UNC13B: variants seen among roughly 807,000 people sequenced by gnomAD.
The protein encoded by UNC13B is protein unc-13 homolog B.
A neutral mutation model predicts 211.0 loss-of-function variants in UNC13B; 144 were observed. The observed-to-expected ratio is 0.68, with a 90% confidence interval of 0.60 to 0.78. The LOEUF (loss-of-function observed/expected upper bound fraction) is 0.78. UNC13B is among the 30% of genes least tolerant of loss of function. UNC13B has a pLI of 0.00. For synonymous variants in UNC13B, 709 were observed against 725.8 expected (o/e 0.98, Z 0.37); for missense variants, 1,777 against 2,002.0 (o/e 0.89, Z 2.14).
At chr9:35,251,054 C>T (rs544925691) in intron 6 of UNC13B, among the ~76,000 whole-genome samples, 1 of 150,884 alleles carries the variant, frequency 6.6e-6, no homozygotes, top group South Asian at 2.1e-4. Context: ...GCTCCACCTC[C>T]CGGGTTCATG....
intron 11 of UNC13B, among the ~76,000 whole-genome samples, chr9:35,360,208 A>C (rs1292127233): frequency 6.6e-6 from 1 of 152,202 alleles, no homozygotes; most frequent in African/African-American, 2.4e-5. Flanking sequence ...CTCCATCATC[A>C]GGGGGCATTA....
intron 29 of UNC13B, 152 bp downstream of exon 29, chr9:35,397,462 G>A (rs1835960347): frequency 7.3e-7 from 1 of 1,365,322 alleles, no homozygotes; most frequent in East Asian, 2.4e-5. Context: ...CAGACAGATG[G>A]TTCTGTCTTA....
Position 35,250,601 on chromosome 9 carries a change from A to G in UNC13B, c.468+7237A>G, listed in dbSNP as rs549964507. On this transcript the variant is annotated intron_variant, in intron 6 of 39. Coordinates refer to ENST00000635942, the MANE Select transcript of UNC13B (RefSeq NM_001371189.2). ...GTTGTTTCTCTGCTTGTTAGCTGTTATGGATAATGCTGCTTCGAATGTTTA... is the reference window on the plus strand; with the variant it reads ...GTTGTTTCTCTGCTTGTTAGCTGTTGTGGATAATGCTGCTTCGAATGTTTA... Among the ~76,000 whole-genome samples, 6 of 152,268 alleles carry G rather than the reference A, an allele frequency of 3.9e-5. No homozygotes were observed. The East Asian group carries it at 1.2e-3, about 29-fold the overall frequency.
chr9:35,331,111 CT>C (rs1426664712), intron 11 of UNC13B, among the ~76,000 whole-genome samples: 2 of 152,172 alleles, frequency 1.3e-5, no homozygotes, highest in Non-Finnish European at 2.9e-5. Context: ...CTGATTCCTG[CT>C]GCTTATTTGA....
chr9:35,237,944 C>A, intron 5 of UNC13B, 118 bp downstream of exon 5: 1 of 1,074,426 alleles, frequency 9.3e-7, no homozygotes, highest in Non-Finnish European at 1.3e-6. Context: ...GATATTTTGT[C>A]TTCATTCACT....
At chr9:35,221,091 C>T (rs1049511125) in intron 1 of UNC13B, among the ~76,000 whole-genome samples, 14 of 152,098 alleles carry the variant, frequency 9.2e-5, no homozygotes, top group African/African-American at 2.9e-4. Context: ...TATTTTGAGA[C>T]GTTATCTCAC....
chr9:35,351,932 C>T (rs1259680148), intron 11 of UNC13B: 17 of 1,232,204 alleles, frequency 1.4e-5, no homozygotes, highest in Middle Eastern at 3.1e-4. Flanking sequence ...CCGTGAACAG[C>T]GGGAACCTTT....
At position 35,304,722 on chromosome 9, in the gene UNC13B, C is replaced by A; in HGVS notation, c.5318C>A (p.Ser1773Tyr). ...ACTTTGAAGTTTGATAAGAGTGAAT[C>A]CTTAGAGGCTTTGGCCATGCAGAAA... ...GSTLKFDKSE[S>Y]LEALAMQKVN... The change falls in exon 9 of 40, where the codon TCC (serine) becomes TAC (tyrosine). Residue 1773 changes from serine (S) to tyrosine (Y), a missense_variant. By Grantham distance (144) the Ser-to-Tyr change is moderately radical. Coordinates refer to ENST00000635942, the MANE Select transcript of UNC13B (RefSeq NM_001371189.2). 2.5e-6 allele frequency: 1 copy of A among 398,802 alleles called. No individual in the cohort carries two copies. The highest frequency in any genetic ancestry group is 1.3e-4 in the South Asian group (1 of 7,854). The allele number at this position is 398,802 out of a possible 1,614,324, so 24.7% of individuals were successfully genotyped here.
intron 7 of UNC13B, among the ~76,000 whole-genome samples, chr9:35,264,252 T>A (rs1361302830): frequency 1.3e-5 from 2 of 152,180 alleles, no homozygotes; most frequent in African/African-American, 2.4e-5. Context: ...TAATTAATCA[T>A]GATCAGAATG....
At chr9:35,386,423 A>T in intron 24 of UNC13B, 130 bp downstream of exon 24, 2 of 1,281,164 alleles carry the variant, frequency 1.6e-6, no homozygotes, top group South Asian at 2.9e-5. Flanking sequence ...TGAGTTGTGG[A>T]GTATGAACCA....
chr9:35,291,088 C>T (rs1829076444), intron 7 of UNC13B: 1 of 1,550,324 alleles, frequency 6.5e-7, no homozygotes, highest in Non-Finnish European at 8.7e-7. Flanking sequence ...CCTATTTGGG[C>T]TGGGGAGAAC....
chr9:35,273,938 A>T (rs1828031866), intron 7 of UNC13B, among the ~76,000 whole-genome samples: 1 of 152,184 alleles, frequency 6.6e-6, no homozygotes, highest in Non-Finnish European at 1.5e-5. Flanking sequence ...CACCACAGCC[A>T]GAGGGAGCTG....
At chr9:35,166,310 A>G (rs1204261564) in intron 1 of UNC13B, among the ~76,000 whole-genome samples, 1 of 152,112 alleles carries the variant, frequency 6.6e-6, no homozygotes, top group Non-Finnish European at 1.5e-5. Flanking sequence ...TGAACCCAGG[A>G]GGCAAGGTTG....
intron 11 of UNC13B, among the ~76,000 whole-genome samples, chr9:35,323,572 T>C (rs1476538844): frequency 6.6e-6 from 1 of 152,208 alleles, no homozygotes; most frequent in Non-Finnish European, 1.5e-5. Context: ...CTGAATGCTG[T>C]GAGACAACCC....
At chr9:35,375,294 T>A (rs968105202) in intron 14 of UNC13B, 93 bp downstream of exon 14, 2 of 1,363,608 alleles carry the variant, frequency 1.5e-6, no homozygotes, top group African/African-American at 2.9e-5. Context: ...ATTCTGGGAA[T>A]TCAAGAGTGC....
In UNC13B at chr9:35,343,665, C is replaced by T. The variant is rs146474916; in HGVS notation, c.9415-23282C>T. On this transcript the variant is annotated intron_variant, in intron 11 of 39. Transcript: ENST00000635942. Reference sequence around the variant, plus strand: ...GAAAGAACGTAACATTCGACTGCCTCTGGGATGACAGTGTGCCCTTTGCAG... The same window carrying T: ...GAAAGAACGTAACATTCGACTGCCTTTGGGATGACAGTGTGCCCTTTGCAG... 3.3e-3 allele frequency among the ~76,000 whole-genome samples: 508 copies of T among 152,246 alleles called. 3 individuals are homozygous for T. Among genetic ancestry groups the T allele is most frequent in the Non-Finnish European group, 5.6e-3 (381 of 68,016 alleles).
intron 1 of UNC13B, among the ~76,000 whole-genome samples, chr9:35,207,478 T>TTATTTATTTATTTA (rs1554687198): frequency 7.0e-6 from 1 of 142,978 alleles, no homozygotes; most frequent in African/African-American, 2.6e-5. Flanking sequence ...AGAAATTAAT[T>TTATTTATTTATTTA]TTTATTTATT....
intron 7 of UNC13B, among the ~76,000 whole-genome samples, chr9:35,280,949 A>G (rs1377922330): frequency 6.6e-6 from 1 of 152,160 alleles, no homozygotes; most frequent in Non-Finnish European, 1.5e-5. Context: ...ATATGCATAA[A>G]GGTCAGTTAT....
intron 11 of UNC13B, chr9:35,364,651 G>A (rs1833659992): frequency 3.8e-6 from 5 of 1,305,830 alleles, no homozygotes; most frequent in South Asian, 1.4e-5. Flanking sequence ...GTGTGTATGT[G>A]TGTGTGTGTG....
Sources: gnomAD v4.1 joint callset for allele counts (sites outside exome capture counted in the v4.1 genomes callset) on GRCh38, gnomAD v4.1.1 for gene constraint, MANE v1.5 for transcripts, NCBI Gene and HGNC (gene_info 2026-07-23, HGNC 2026-07-21) for gene names.